Variants in LANCL3 observed in about 807,000 individuals in gnomAD.
LANCL3 encodes lanC-like protein 3.
A neutral mutation model predicts 26.5 loss-of-function variants in LANCL3; 19 were observed. That is an observed-to-expected ratio of 0.72 (90% CI 0.50 to 1.05). The LOEUF (loss-of-function observed/expected upper bound fraction) is 1.05, where lower values mean the gene tolerates loss of function less well. LANCL3 is among the 50% of genes least tolerant of loss of function. LANCL3 has a pLI of 0.00. For missense variants in LANCL3, 318 were observed against 362.7 expected (o/e 0.88, Z 1.00); for synonymous variants, 160 against 166.6 (o/e 0.96, Z 0.30).
chrX:37,683,102 C>A lies in LANCL3; in HGVS notation c.*7289C>A, dbSNP rs1481851065. The A allele has an allele frequency of 9.0e-6, 1 of 111,524 alleles. No individual in the cohort carries two copies. Among genetic ancestry groups the A allele is most frequent in the African/African-American group, 3.3e-5 (1 of 30,627 alleles). 9.2% of individuals were successfully genotyped at this position (111,524 alleles called of 1,213,427 possible). A position where few individuals can be genotyped will look rare whatever the true frequency, so the allele number is the denominator to read the frequency against. ...TGTTAGTTTTGGAATGTGTATTTCC[C>A]AGCGAATAGAATTTACTGCTCCAAA... On this transcript the variant is annotated 3_prime_UTR_variant, in exon 5 of 5. Transcript: ENST00000378619.
At chrX:37,636,657 C>T in intron 1 of LANCL3, among the ~76,000 whole-genome samples, 1 of 111,684 alleles carries the variant, frequency 9.0e-6, no homozygotes. Flanking sequence ...CAATGCTAAT[C>T]TAGACAATTC....
chrX:37,612,303 A>C (rs922971561), intron 1 of LANCL3, among the ~76,000 whole-genome samples: 13 of 111,710 alleles, frequency 1.2e-4, no homozygotes, highest in Non-Finnish European at 2.3e-4. Context: ...ATCTATGAGA[A>C]TGGAACCTGG....
At chrX:37,617,748 C>G (rs1481679445) in intron 1 of LANCL3, among the ~76,000 whole-genome samples, 1 of 111,086 alleles carries the variant, frequency 9.0e-6, no homozygotes, top group African/African-American at 3.3e-5. Context: ...GCCAGGAAGA[C>G]TAGAGTAGAT....
At chrX:37,640,586 C>T (rs1358820596) in intron 1 of LANCL3, among the ~76,000 whole-genome samples, 6 of 111,579 alleles carry the variant, frequency 5.4e-5, no homozygotes, top group Non-Finnish European at 9.4e-5. Flanking sequence ...TAGCAGGGCT[C>T]AATAATTATC....
At chrX:37,595,931 A>G (rs1924416374) in intron 1 of LANCL3, among the ~76,000 whole-genome samples, 2 of 111,961 alleles carry the variant, frequency 1.8e-5, no homozygotes, top group South Asian at 3.7e-4. Context: ...GAAAATTGTC[A>G]CTTTAATTTT....
chrX:37,667,457 G>A lies in LANCL3; in HGVS notation c.1071G>A (p.Thr357=), dbSNP rs1428592129. The A allele has an allele frequency of 2.5e-6, 3 of 1,193,314 alleles. No homozygotes were observed. The highest frequency in any genetic ancestry group is 6.2e-5 in the East Asian group (2 of 32,506). The part of the protein sequence containing the change: ...AYVFLLLYRL[T]GNSKYIYRAQ... ...TCTTCCTGCTGCTGTACCGGCTCAC[G>A]GGAAACTCTAAATACATCTACCGAG... Residue 357 remains threonine (T), a synonymous_variant, in exon 4 of 5, where the codon ACG becomes ACA. Coordinates refer to ENST00000378619, the MANE Select transcript of LANCL3 (RefSeq NM_001170331.2).
At chrX:37,635,390 C>T (rs1343772890) in intron 1 of LANCL3, among the ~76,000 whole-genome samples, 1 of 112,018 alleles carries the variant, frequency 8.9e-6, no homozygotes, top group Non-Finnish European at 1.9e-5. Context: ...GATAAATATG[C>T]TGTAACATGA....
intron 1 of LANCL3, among the ~76,000 whole-genome samples, chrX:37,627,066 A>G (rs1311971865): frequency 6.3e-5 from 7 of 111,929 alleles, no homozygotes; most frequent in Non-Finnish European, 1.3e-4. Context: ...TATAGAAAAA[A>G]TGAGGATGGA....
At chrX:37,582,815 G>C (rs1372657167) in intron 1 of LANCL3, among the ~76,000 whole-genome samples, 1 of 111,940 alleles carries the variant, frequency 8.9e-6, no homozygotes, top group African/African-American at 3.3e-5. Context: ...AAGCTCTTCA[G>C]TTTAATTAGA....
intron 1 of LANCL3, among the ~76,000 whole-genome samples, chrX:37,584,326 G>A (rs1556417508): frequency 9.3e-6 from 1 of 107,560 alleles, no homozygotes; most frequent in Non-Finnish European, 1.9e-5. Context: ...GATGATGCTC[G>A]CCTCATAAAA....
intron 1 of LANCL3, among the ~76,000 whole-genome samples, chrX:37,616,265 A>G (rs1211465150): frequency 8.9e-6 from 1 of 112,463 alleles, no homozygotes; most frequent in Admixed American, 9.4e-5. Flanking sequence ...CTTTGCCTGG[A>G]AGAAAATTTA....
intron 1 of LANCL3, among the ~76,000 whole-genome samples, chrX:37,624,549 A>G (rs1212680783): frequency 8.9e-6 from 1 of 111,919 alleles, no homozygotes; most frequent in Non-Finnish European, 1.9e-5. Flanking sequence ...TATTTTGTCC[A>G]TCTGGAAATT....
rs983855424 is a variant in LANCL3 at position 37,675,820 on chromosome X, C to T, written c.*7C>T. 9 of 1,131,201 alleles carry T rather than the reference C, an allele frequency of 8.0e-6. No homozygotes were observed. The highest frequency in any genetic ancestry group is 1.1e-5 in the Non-Finnish European group (9 of 855,933). The allele number at this position is 1,131,201 out of a possible 1,213,427, so 93.2% of individuals were successfully genotyped here. A position where few individuals can be genotyped will look rare whatever the true frequency, so the allele number is the denominator to read the frequency against. On this transcript the variant is annotated 3_prime_UTR_variant, in exon 5 of 5. Transcript: ENST00000378619. ...CTTCAGCGTCTTTGTTTAGAAGGCTCTATCTTCCACTGTGGCCCTGCAGAG... is the reference window on the plus strand; with the variant it reads ...CTTCAGCGTCTTTGTTTAGAAGGCTTTATCTTCCACTGTGGCCCTGCAGAG...
At chrX:37,650,998 A>T (rs375412577) in intron 1 of LANCL3, among the ~76,000 whole-genome samples, 1 of 107,405 alleles carries the variant, frequency 9.3e-6, no homozygotes, top group Non-Finnish European at 1.9e-5. Context: ...TCTGTCCTTG[A>T]GATAGTTTGC....
intron 1 of LANCL3, among the ~76,000 whole-genome samples, chrX:37,572,925 C>G (rs1923646060): frequency 8.9e-6 from 1 of 111,984 alleles, no homozygotes; most frequent in African/African-American, 3.3e-5. Context: ...AGCTGTGGGT[C>G]TGATGTGTTT....
Position 37,659,536 on chromosome X carries a change from G to GA in LANCL3, c.774dup (p.Leu259IlefsTer21). Reference sequence around the variant, plus strand: ...TGAGCATCTCAAGCCCTCAGATCGGGAATTGGTATGGCAGAGCGTGGACTT... The same window carrying GA: ...TGAGCATCTCAAGCCCTCAGATCGGGAAATTGGTATGGCAGAGCGTGGACTT... On this transcript the variant is annotated frameshift_variant, in exon 3 of 5. Coordinates refer to ENST00000378619, the MANE Select transcript of LANCL3 (RefSeq NM_001170331.2). LOFTEE classifies it high-confidence loss of function. 1 of 1,209,682 alleles carries GA rather than the reference G, an allele frequency of 8.3e-7. No individual in the cohort carries two copies. Among genetic ancestry groups the GA allele is most frequent in the South Asian group, 1.8e-5 (1 of 56,841 alleles).
chrX:37,579,024 G>GT (rs1355440823), intron 1 of LANCL3, among the ~76,000 whole-genome samples: 3 of 104,570 alleles, frequency 2.9e-5, no homozygotes, highest in East Asian at 2.9e-4. Flanking sequence ...AAGTTAACAT[G>GT]TTTTTTCTTT....
At chrX:37,584,042 T>C (rs1556417446) in intron 1 of LANCL3, among the ~76,000 whole-genome samples, 1 of 112,081 alleles carries the variant, frequency 8.9e-6, no homozygotes, top group African/African-American at 3.3e-5. Context: ...TGTTTAATTT[T>C]GTCAAAGGTC....
chrX:37,650,797 G>A (rs1468785595), intron 1 of LANCL3, among the ~76,000 whole-genome samples: 1 of 103,663 alleles, frequency 9.6e-6, no homozygotes, highest in Non-Finnish European at 2.0e-5. Flanking sequence ...GTGCAGGTTC[G>A]TTACATATGT....
Sources: gnomAD v4.1 joint callset for allele counts (sites outside exome capture counted in the v4.1 genomes callset) on GRCh38, gnomAD v4.1.1 for gene constraint, MANE v1.5 for transcripts, NCBI Gene and HGNC (gene_info 2026-07-23, HGNC 2026-07-21) for gene names.